Variants in EDARADD observed in about 807,000 individuals in gnomAD.
EDARADD encodes ectodysplasin-A receptor-associated adapter protein.
In EDARADD, 20 loss-of-function variants were observed where a neutral mutation model predicts 25.6. The ratio of observed to expected loss-of-function variants is 0.78; its 90% confidence interval spans 0.55 to 1.14. EDARADD has a LOEUF of 1.14. Ranked by LOEUF, EDARADD falls within the 50% of genes most tolerant of loss-of-function variation. The probability of loss-of-function intolerance (pLI) is 0.00; values close to 1 mark genes in which losing one functional copy is unlikely to be tolerated. For missense variants in EDARADD, 225 were observed against 270.1 expected (o/e 0.83, Z 1.17); for synonymous variants, 86 against 94.4 (o/e 0.91, Z 0.52).
rs1456089586 is a variant in EDARADD at position 236,362,987 on chromosome 1, G to GGA, written c.-6+12148_-6+12149insGA. ...TCAAGACTCTGTCTTCTTTTTTTAA[G>GGA]AAAAAAAAAAAAAAAAAAAATATAT... On this transcript the variant is annotated intron_variant, in intron 3 of 7. Coordinates refer to the EDARADD transcript ENST00000439430. Among the ~76,000 whole-genome samples, 16 of 29,560 alleles carry GGA rather than the reference G, an allele frequency of 5.4e-4. 1 individual carries two copies. In the East Asian group the frequency reaches 6.5e-3, roughly 12 times the overall value. The allele number at this position is 29,560 out of a possible 152,430, so 19.4% of individuals were successfully genotyped here. A position where few individuals can be genotyped will look rare whatever the true frequency, so the allele number is the denominator to read the frequency against.
chr1:236,363,006 A>AAAAAAATAT (rs1377112051), intron 3 of EDARADD, among the ~76,000 whole-genome samples: 2 of 42,948 alleles, frequency 4.7e-5, no homozygotes, highest in African/African-American at 2.2e-4. Context: ...AAAAAAAAAA[A>AAAAAAATAT]ATATATATAT....
At chr1:236,402,853 A>G (rs779410250) in intron 1 of EDARADD, among the ~76,000 whole-genome samples, 27 of 152,218 alleles carry the variant, frequency 1.8e-4, no homozygotes, top group African/African-American at 5.3e-4. Flanking sequence ...GGGATGCCTA[A>G]TGCCTTCCTC....
chr1:236,453,105 A>C (rs1658757701), intron 4 of EDARADD, among the ~76,000 whole-genome samples: 1 of 152,114 alleles, frequency 6.6e-6, no homozygotes, highest in Non-Finnish European at 1.5e-5. Context: ...TCCACTAAGC[A>C]ACCCAGAGGC....
intron 4 of EDARADD, among the ~76,000 whole-genome samples, chr1:236,463,351 T>C (rs148278212): frequency 2.0e-5 from 3 of 152,208 alleles, no homozygotes; most frequent in African/African-American, 7.2e-5. Flanking sequence ...TGGAGTGCAG[T>C]GGCGAGATCT....
upstream of EDARADD, among the ~76,000 whole-genome samples, chr1:236,391,027 A>G (rs1187781130): frequency 6.6e-6 from 1 of 151,268 alleles, no homozygotes; most frequent in African/African-American, 2.4e-5. Context: ...ACTCACTGCA[A>G]CCTCCCCCTC....
chr1:236,389,224 G>A (rs551300202), intron 3 of EDARADD, among the ~76,000 whole-genome samples: 7 of 152,260 alleles, frequency 4.6e-5, no homozygotes, highest in Admixed American at 3.3e-4. Flanking sequence ...TGAGGATCCC[G>A]AGGCTACAGG....
chr1:236,478,410 TG>T (rs2103040363), intron 5 of EDARADD, among the ~76,000 whole-genome samples: 1 of 148,070 alleles, frequency 6.8e-6, no homozygotes, highest in South Asian at 2.1e-4. Flanking sequence ...TATATATAAA[TG>T]GATATATATA....
intron 4 of EDARADD, among the ~76,000 whole-genome samples, chr1:236,462,748 T>G (rs1222353447): frequency 6.6e-6 from 1 of 152,266 alleles, no homozygotes; most frequent in South Asian, 2.1e-4. Flanking sequence ...CAAAGAATTC[T>G]TGGCAGCAGT....
rs1390113982 is a variant in EDARADD, at chr1:236,464,034, A to G, written c.220-4197A>G. ...TGATGTCTAAGCTGAGGCCCTACAG[A>G]TAAGAGAAAGTAAGCAGATGAAAGG... On this transcript the variant is annotated intron_variant, in intron 4 of 5. Coordinates refer to ENST00000334232, the MANE Select transcript of EDARADD (RefSeq NM_145861.4). Among the ~76,000 whole-genome samples, 2 of 152,136 alleles carry G rather than the reference A, an allele frequency of 1.3e-5. 1 individual carries two copies. The highest frequency in any genetic ancestry group is 1.3e-4 in the Admixed American group (2 of 15,266).
rs1667559363 is a variant in EDARADD at position 236,398,448 on chromosome 1, G to GAATCCGGTGCTGGCTTTC, written c.61+3944_61+3961dup. 6.6e-6 allele frequency among the ~76,000 whole-genome samples: 1 copy of GAATCCGGTGCTGGCTTTC among 152,200 alleles called. No individual in the cohort carries two copies. Among genetic ancestry groups the GAATCCGGTGCTGGCTTTC allele is most frequent in the Non-Finnish European group, 1.5e-5 (1 of 68,040 alleles). On this transcript the variant is annotated intron_variant, in intron 1 of 5. Coordinates refer to ENST00000334232, the MANE Select transcript of EDARADD (RefSeq NM_145861.4). The surrounding 1 kb of genome is among the most constrained non-coding windows in gnomAD (Gnocchi z 4.1). ...TCTGCCATTTGTCTGTGCTGGCTTT[G>GAATCCGGTGCTGGCTTTC]AATCCGGTGCTGGCTTTCCAACACT...
chr1:236,465,036 A>G (rs1030655367), intron 4 of EDARADD, among the ~76,000 whole-genome samples: 1 of 152,042 alleles, frequency 6.6e-6, no homozygotes, highest in African/African-American at 2.4e-5. Context: ...ACCTCTTCAC[A>G]GCTTGCTCTG....
rs1659775329 is a variant in EDARADD at position 236,484,497 on chromosome 1, C to T, written c.*1848C>T. 2 of 1,581,556 alleles carry T rather than the reference C, an allele frequency of 1.3e-6. No homozygotes were observed. The highest frequency in any genetic ancestry group is 1.1e-5 in the South Asian group (1 of 90,178). ...TGTGGGCAGGCAAGCCCTTCAGTCA[C>T]CTGGTGGCTAATTAGACCCCTCCCC... On this transcript the variant is annotated 3_prime_UTR_variant, in exon 6 of 6. Coordinates refer to ENST00000334232, the MANE Select transcript of EDARADD (RefSeq NM_145861.4). The surrounding 1 kb of genome is among the most constrained non-coding windows in gnomAD (Gnocchi z 4.1).
upstream of EDARADD, chr1:236,394,128 T>C: frequency 2.9e-6 from 1 of 342,564 alleles, no homozygotes; most frequent in East Asian, 6.1e-5. Flanking sequence ...TGCTTGAGGT[T>C]GGGCTGCTAA....
intron 4 of EDARADD, among the ~76,000 whole-genome samples, chr1:236,438,999 C>T (rs1658335682): frequency 6.6e-6 from 1 of 152,250 alleles, no homozygotes; most frequent in Non-Finnish European, 1.5e-5. Context: ...GAGCTCCACC[C>T]ATTCATCTCT....
intron 3 of EDARADD, among the ~76,000 whole-genome samples, chr1:236,356,759 A>G (rs1011316361): frequency 1.5e-5 from 1 of 65,220 alleles, no homozygotes; most frequent in Admixed American, 1.3e-4. Context: ...AACAAAACAA[A>G]AAAAAAAACC....
At chr1:236,473,019 A>T (rs114778555) in intron 5 of EDARADD, among the ~76,000 whole-genome samples, 2,348 of 152,010 alleles carry the variant, frequency 0.015, 63 homozygotes, top group African/African-American at 0.054. Flanking sequence ...TTTTCATTTG[A>T]TTTTCTTCTT....
chr1:236,436,904 A>G (rs1658269453), intron 4 of EDARADD, among the ~76,000 whole-genome samples: 1 of 152,220 alleles, frequency 6.6e-6, no homozygotes, highest in African/African-American at 2.4e-5. Flanking sequence ...AGGCAATGCT[A>G]TGACAGTATT....
chr1:236,455,941 C>T (rs192768036), intron 4 of EDARADD, among the ~76,000 whole-genome samples: 8 of 152,308 alleles, frequency 5.3e-5, no homozygotes, highest in African/African-American at 9.6e-5. Context: ...AGGCGCCCGC[C>T]ACCACGTCTG....
At chr1:236,467,298 TG>T (rs1185939105) in intron 4 of EDARADD, among the ~76,000 whole-genome samples, 7 of 79,218 alleles carry the variant, frequency 8.8e-5, no homozygotes, top group African/African-American at 3.3e-4. Flanking sequence ...GTACTGTGGG[TG>T]GGGGTGGGGT....
Sources: allele counts gnomAD v4.1 joint callset (sites outside exome capture counted in the v4.1 genomes callset), GRCh38; gene constraint gnomAD v4.1.1; non-coding constraint Gnocchi (gnomAD v3.1); transcripts MANE v1.5; gene names NCBI Gene and HGNC (gene_info 2026-07-23, HGNC 2026-07-21).